Variants in PLEKHA4 observed in about 807,000 individuals in gnomAD.
PLEKHA4 encodes the protein pleckstrin homology domain containing A4.
PLEKHA4 carries 73 observed loss-of-function variants against 94.7 expected under a neutral mutation model. That is an observed-to-expected ratio of 0.77 (90% confidence interval 0.64 to 0.94). The LOEUF (loss-of-function observed/expected upper bound fraction) is 0.94, where lower values mean the gene tolerates loss of function less well. Ranked by LOEUF, PLEKHA4 falls within the 40% of genes least tolerant of loss-of-function variation. PLEKHA4 has a pLI of 0.00. For missense variants in PLEKHA4, 1,049 were observed against 1,054.1 expected, an observed-to-expected ratio of 1.00 and a Z score of 0.07; for synonymous variants, 449 against 437.1, an observed-to-expected ratio of 1.03 and a Z score of -0.34.
intron 13 of PLEKHA4, 110 bp from the exon 14 acceptor site, chr19:48,848,150 G>T: frequency 8.1e-7 from 1 of 1,238,604 alleles, no homozygotes; most frequent in Non-Finnish European, 1.1e-6. Context: ...TTATGGAGTT[G>T]GGATTTATTT....
intron 16 of PLEKHA4, among the ~76,000 whole-genome samples, chr19:48,841,584 G>A (rs916665030): frequency 6.6e-6 from 1 of 151,916 alleles, no homozygotes; most frequent in Non-Finnish European, 1.5e-5. Context: ...CCGAGATCAC[G>A]CCACTGCACT....
At chr19:48,859,747 T>C in intron 6 of PLEKHA4, 63 bp from the exon 7 acceptor site, 2 of 1,461,100 alleles carry the variant, frequency 1.4e-6, no homozygotes, top group East Asian at 2.3e-5. Context: ...TATTCTCTTG[T>C]CACAGGTGAG....
chr19:48,867,412 T>C lies in PLEKHA4; in HGVS notation c.84+125A>G. The C allele has an allele frequency of 2.7e-6, 3 of 1,119,364 alleles. No individual in the cohort carries two copies. Among genetic ancestry groups the C allele is most frequent in the Non-Finnish European group, 3.8e-6 (3 of 789,014 alleles). The allele number at this position is 1,119,364 out of a possible 1,614,324, so 69.3% of individuals were successfully genotyped here. On this transcript the variant is annotated intron_variant, in intron 2 of 19. Coordinates refer to ENST00000263265, the MANE Select transcript of PLEKHA4 (RefSeq NM_020904.3). The surrounding 1 kb of genome is among the most constrained non-coding windows in gnomAD (Gnocchi z 4.7). ...GCGGTGTGTAGGCAATTTGGGACCT[T>C]ACTATGTCTGGCAGACCCCGTTGCT...
chr19:48,849,591 G>A (rs554983005), intron 13 of PLEKHA4, among the ~76,000 whole-genome samples: 1 of 152,198 alleles, frequency 6.6e-6, no homozygotes. Context: ...CTACAGGCGT[G>A]AGCCAACACG....
rs181688649 is a variant in PLEKHA4, at chr19:48,867,150, G to C, written c.84+387C>G. On this transcript the variant is annotated intron_variant, in intron 2 of 19. Transcript: ENST00000263265. This position sits in a 1 kb window ranked among gnomAD's most constrained non-coding sequence, Gnocchi z 4.7. ...GGAGGCCCCTTGGGTCTTATTGTCAGAGAAGGGTCTCTCCTTATAGGATTT... is the reference window on the plus strand; with the variant it reads ...GGAGGCCCCTTGGGTCTTATTGTCACAGAAGGGTCTCTCCTTATAGGATTT... Among the ~76,000 whole-genome samples the C allele has an allele frequency of 3.3e-5, 5 of 152,264 alleles. No individual in the cohort carries two copies. The East Asian group carries it at 9.6e-4, about 29-fold the overall frequency.
Position 48,839,266 on chromosome 19 carries a change from G to A in PLEKHA4, c.1906-3C>T, listed in dbSNP as rs771839166. 33 of 1,582,266 alleles carry A rather than the reference G, an allele frequency of 2.1e-5. No homozygotes were observed. In the African/African-American group the frequency reaches 3.0e-4, roughly 14 times the overall value. On this transcript the variant is annotated splice_polypyrimidine_tract_variant and splice_region_variant and intron_variant, in intron 17 of 19. Coordinates refer to ENST00000263265, the MANE Select transcript of PLEKHA4 (RefSeq NM_020904.3). ...GCTCCCGAGTGTCCTACGACAGGCTGGAAAGGAATTGGGGCATTAGAACTC... is the reference window on the plus strand; with the variant it reads ...GCTCCCGAGTGTCCTACGACAGGCTAGAAAGGAATTGGGGCATTAGAACTC...
At chr19:48,845,317 T>G in intron 16 of PLEKHA4, 53 bp downstream of exon 16, 1 of 1,549,630 alleles carries the variant, frequency 6.5e-7, no homozygotes, top group Non-Finnish European at 8.9e-7. Context: ...CCCAGAAGTG[T>G]GGGGGTCCCT....
intron 3 of PLEKHA4, among the ~76,000 whole-genome samples, chr19:48,863,387 G>A (rs2036714917): frequency 6.6e-6 from 1 of 150,778 alleles, no homozygotes; most frequent in South Asian, 2.1e-4. Flanking sequence ...CTGAGTAGCT[G>A]GGACTACAGG....
intron 12 of PLEKHA4, 114 bp downstream of exon 12, chr19:48,853,568 T>G: frequency 9.3e-7 from 1 of 1,075,100 alleles, no homozygotes; most frequent in Non-Finnish European, 1.2e-6. Context: ...AAATTTGGAG[T>G]GTAGACTTCT....
chr19:48,859,545 TACC>T lies in PLEKHA4; in HGVS notation c.613_615del (p.Gly205del), dbSNP rs2036556571. The T allele has an allele frequency of 6.2e-7, 1 of 1,613,946 alleles. No individual in the cohort carries two copies. On this transcript the variant is annotated inframe_deletion, in exon 7 of 20. Coordinates refer to ENST00000263265, the MANE Select transcript of PLEKHA4 (RefSeq NM_020904.3). ...GGGCTGGGAGTGAGCAGCCTGGGTC[TACC>T]ACGACCTCTGGAGAGTCGAGTCACT...
chr19:48,866,337 C>A (rs150708987), intron 2 of PLEKHA4, among the ~76,000 whole-genome samples: 1 of 151,888 alleles, frequency 6.6e-6, no homozygotes, highest in African/African-American at 2.4e-5. Flanking sequence ...GACAGAGTCT[C>A]GCTCTGTCCC....
rs184553710 is a variant in PLEKHA4, at chr19:48,866,587, G to A, written c.84+950C>T. Among the ~76,000 whole-genome samples, 412 of 152,320 alleles carry A rather than the reference G, an allele frequency of 2.7e-3. 2 individuals are homozygous for A. Among genetic ancestry groups the A allele is most frequent in the African/African-American group, 9.4e-3 (390 of 41,576 alleles). ...CTCTTAAAGTGCTGGGATTATAGGC[G>A]TGAGCCACTGCGCCGGGCCGAGACT... is the stretch of plus-strand genomic sequence containing the variant. On this transcript the variant is annotated intron_variant, in intron 2 of 19. Transcript: ENST00000263265.
Position 48,841,312 on chromosome 19 carries a change from T to G in PLEKHA4, c.1744-2A>C. ...CATCCGGGGCCGGGCCACCGGGGCC[T>G]AGGGAGGCGAGAAACGTCCCAAGAC... On this transcript the variant is annotated splice_acceptor_variant, in intron 16 of 19. Coordinates refer to ENST00000263265, the MANE Select transcript of PLEKHA4 (RefSeq NM_020904.3). LOFTEE classifies it high-confidence loss of function. The G allele has an allele frequency of 6.2e-7, 1 of 1,603,582 alleles. No individual in the cohort carries two copies. The highest frequency in any genetic ancestry group is 8.5e-7 in the Non-Finnish European group (1 of 1,175,240).
At chr19:48,846,792 C>T (rs1478942301) in intron 14 of PLEKHA4, among the ~76,000 whole-genome samples, 1 of 152,176 alleles carries the variant, frequency 6.6e-6, no homozygotes, top group East Asian at 1.9e-4. Flanking sequence ...AACTGTAAAC[C>T]AGGAGCCAGA....
chr19:48,856,458 G>A (rs1288493231), intron 9 of PLEKHA4, among the ~76,000 whole-genome samples: 1 of 151,764 alleles, frequency 6.6e-6, no homozygotes, highest in Non-Finnish European at 1.5e-5. Context: ...AGTGGCTTAC[G>A]CCTGTAATCC....
At chr19:48,865,709 G>A in intron 2 of PLEKHA4, 99 bp from the exon 3 acceptor site, 1 of 778,320 alleles carries the variant, frequency 1.3e-6, no homozygotes, top group Admixed American at 2.5e-5. Context: ...TCGCTTGGCT[G>A]CCCTGAGAAA....
At chr19:48,859,368 TCA>T in intron 7 of PLEKHA4, 99 bp downstream of exon 7, 1 of 1,285,976 alleles carries the variant, frequency 7.8e-7, no homozygotes, top group Non-Finnish European at 1.1e-6. Flanking sequence ...CCCCAGCAAG[TCA>T]CACACACTCA....
intron 16 of PLEKHA4, among the ~76,000 whole-genome samples, chr19:48,842,396 GC>G (rs1180068566): frequency 6.6e-6 from 1 of 152,034 alleles, no homozygotes; most frequent in Non-Finnish European, 1.5e-5. Context: ...TGATCCACCT[GC>G]CTCGGCCTCC....
At chr19:48,855,331 C>G (rs564532643) in intron 9 of PLEKHA4, among the ~76,000 whole-genome samples, 13 of 152,078 alleles carry the variant, frequency 8.5e-5, no homozygotes, top group Middle Eastern at 3.4e-3. Context: ...GGGCCGGGTG[C>G]GGTGGCTCAT....
Sources: allele counts gnomAD v4.1 joint callset (sites outside exome capture counted in the v4.1 genomes callset), GRCh38; gene constraint gnomAD v4.1.1; non-coding constraint Gnocchi (gnomAD v3.1); transcripts MANE v1.5; gene names NCBI Gene and HGNC (gene_info 2026-07-23, HGNC 2026-07-21).